Variants in RNF38 observed in about 807,000 individuals in gnomAD.
The protein encoded by RNF38 is E3 ubiquitin-protein ligase RNF38.
A neutral mutation model predicts 67.2 loss-of-function variants in RNF38; 15 were observed. The ratio of observed to expected loss-of-function variants is 0.22; its 90% CI spans 0.15 to 0.34. RNF38 has a LOEUF of 0.34. RNF38 is among the 10% of genes least tolerant of loss of function. The pLI is 1.00. For synonymous variants in RNF38, 220 were observed against 218.8 expected (o/e 1.01, Z -0.05); for missense variants, 524 against 639.9 (o/e 0.82, Z 1.95).
intron 4 of RNF38, among the ~76,000 whole-genome samples, chr9:36,360,608 T>C (rs1309726932): frequency 6.6e-6 from 1 of 152,186 alleles, no homozygotes; most frequent in Non-Finnish European, 1.5e-5. Flanking sequence ...GATACTCAAA[T>C]TAGGGGTGTC....
intron 1 of RNF38, among the ~76,000 whole-genome samples, chr9:36,480,553 T>C (rs1359920546): frequency 7.8e-5 from 11 of 141,148 alleles, no homozygotes; most frequent in East Asian, 2.0e-4. Context: ...TTTTTCTTTT[T>C]TTTTTTTTTT....
chr9:36,424,765 T>C (rs1358527121), intron 1 of RNF38: 1 of 353,410 alleles, frequency 2.8e-6, no homozygotes, highest in African/African-American at 2.2e-5. Context: ...TGCTTTTACA[T>C]CCATGATCCC....
upstream of RNF38, chr9:36,400,924 A>T (rs1028402554): frequency 1.1e-6 from 1 of 922,802 alleles, no homozygotes; most frequent in Non-Finnish European, 1.3e-6. Context: ...GCCCCGCCGC[A>T]CCCCGCCTCA....
At chr9:36,408,366 C>T (rs1450124811) in intron 2 of RNF38, among the ~76,000 whole-genome samples, 2 of 150,644 alleles carry the variant, frequency 1.3e-5, no homozygotes, top group African/African-American at 4.9e-5. Flanking sequence ...TTGGAGTTGA[C>T]CCTGGAGGGG....
chr9:36,433,094 G>A (rs772327945), intron 1 of RNF38, among the ~76,000 whole-genome samples: 22 of 150,722 alleles, frequency 1.5e-4, no homozygotes, highest in Non-Finnish European at 2.5e-4. Context: ...TCACAGTGGA[G>A]ATAAGAGAGA....
At chr9:36,340,225 C>T (rs950644570) in intron 11 of RNF38, among the ~76,000 whole-genome samples, 1 of 151,908 alleles carries the variant, frequency 6.6e-6, no homozygotes, top group Non-Finnish European at 1.5e-5. Context: ...GTGATCCACC[C>T]ACCATGGCCT....
intron 1 of RNF38, among the ~76,000 whole-genome samples, chr9:36,479,269 G>T (rs1486401185): frequency 6.6e-6 from 1 of 152,204 alleles, no homozygotes; most frequent in Admixed American, 6.5e-5. Context: ...CATCCTCAGA[G>T]CACAAAGCTT....
intron 1 of RNF38, among the ~76,000 whole-genome samples, chr9:36,479,232 A>G (rs765286806): frequency 1.4e-4 from 21 of 152,216 alleles, no homozygotes; most frequent in Admixed American, 8.5e-4. Flanking sequence ...CTAGGGAATT[A>G]TAATTACAGC....
chr9:36,453,189 C>T (rs1469508893), intron 1 of RNF38, among the ~76,000 whole-genome samples: 1 of 152,090 alleles, frequency 6.6e-6, no homozygotes, highest in Admixed American at 6.5e-5. Context: ...TTATAGCCAT[C>T]TTAACAAGTG....
At chr9:36,343,542 A>G (rs1049423757) in intron 10 of RNF38, among the ~76,000 whole-genome samples, 6 of 152,190 alleles carry the variant, frequency 3.9e-5, no homozygotes, top group African/African-American at 1.4e-4. Context: ...ATGCAAATCA[A>G]ATCTGCAGGA....
upstream of RNF38, chr9:36,400,956 C>T (rs1253192459): frequency 6.1e-6 from 6 of 984,372 alleles, no homozygotes; most frequent in Non-Finnish European, 7.2e-6. Context: ...CGATCACAGA[C>T]CCGGGCTCCC....
At chr9:36,370,373 A>G (rs1320538310) in intron 3 of RNF38, among the ~76,000 whole-genome samples, 4 of 152,182 alleles carry the variant, frequency 2.6e-5, no homozygotes, top group Admixed American at 1.3e-4. Flanking sequence ...TAACACATAC[A>G]TAAGACATAG....
Position 36,353,287 on chromosome 9 carries a change from A to G in RNF38, c.954T>C (p.His318=), listed in dbSNP as rs370694217. Residue 318 remains histidine (H), a synonymous_variant, in exon 7 of 12, where the codon CAT becomes CAC. Transcript: ENST00000259605. ...IENEVELLGE[H]LPVGGFTYPP... The stretch of plus-strand genomic sequence containing the variant: ...GGTAAGTAAAACCTCCTACTGGAAG[A>G]TGTTCTCCTAAGAGTTCCACTTCAT... 4.0e-5 allele frequency: 65 copies of G among 1,612,934 alleles called. No homozygotes were observed. The highest frequency in any genetic ancestry group is 5.1e-5 in the Non-Finnish European group (60 of 1,179,620).
intron 1 of RNF38, among the ~76,000 whole-genome samples, chr9:36,484,375 C>T (rs961983371): frequency 2.0e-5 from 3 of 152,262 alleles, no homozygotes; most frequent in African/African-American, 7.2e-5. Flanking sequence ...TAACAGGCTG[C>T]GCTAGGCTGG....
chr9:36,396,613 G>A (rs1837527417), intron 1 of RNF38, among the ~76,000 whole-genome samples: 2 of 152,084 alleles, frequency 1.3e-5, no homozygotes, highest in Non-Finnish European at 2.9e-5. Flanking sequence ...GTCCAGGAGA[G>A]AACACTGCAA....
intron 4 of RNF38, among the ~76,000 whole-genome samples, chr9:36,362,448 T>C (rs906388058): frequency 8.1e-6 from 1 of 124,096 alleles, no homozygotes; most frequent in Non-Finnish European, 1.6e-5. Flanking sequence ...CCAAAGTACA[T>C]AAAGCACGAA....
chr9:36,431,412 G>A (rs73648756), intron 1 of RNF38, among the ~76,000 whole-genome samples: 211 of 152,190 alleles, frequency 1.4e-3, no homozygotes, highest in African/African-American at 5.0e-3. Flanking sequence ...TCTAAACATA[G>A]AAAAGGTACA....
chr9:36,399,277 A>G (rs1452403073), intron 1 of RNF38, among the ~76,000 whole-genome samples: 2 of 152,148 alleles, frequency 1.3e-5, no homozygotes, highest in Non-Finnish European at 2.9e-5. Context: ...CCCACAGATT[A>G]TTTAAGTCCA....
At chr9:36,368,268 G>T (rs916099085) in intron 4 of RNF38, among the ~76,000 whole-genome samples, 1 of 152,148 alleles carries the variant, frequency 6.6e-6, no homozygotes, top group African/African-American at 2.4e-5. Context: ...ATTTACATAT[G>T]TAATGTTTTC....
Sources: allele counts gnomAD v4.1 joint callset (sites outside exome capture counted in the v4.1 genomes callset), GRCh38; gene constraint gnomAD v4.1.1; transcripts MANE v1.5; gene names NCBI Gene and HGNC (gene_info 2026-07-23, HGNC 2026-07-21).